ARHGEF26: variants seen among roughly 807,000 people sequenced by gnomAD.
The protein encoded by ARHGEF26 is Rho guanine nucleotide exchange factor 26.
In ARHGEF26, 59 loss-of-function variants were observed where a neutral mutation model predicts 89.4. The observed-to-expected ratio is 0.66, with a 90% CI of 0.54 to 0.82. The LOEUF (loss-of-function observed/expected upper bound fraction) is 0.82, where lower values mean the gene tolerates loss of function less well. ARHGEF26 is among the 40% of genes least tolerant of loss of function. The pLI is 0.00. For synonymous variants in ARHGEF26, 500 were observed against 428.4 expected (o/e 1.17, Z -2.06); for missense variants, 1,234 against 1,085.6 (o/e 1.14, Z -1.92).
Position 154,255,877 on chromosome 3 carries a change from A to T in ARHGEF26, c.*404A>T. On this transcript the variant is annotated 3_prime_UTR_variant, in exon 15 of 15. Transcript: ENST00000465093. ...TTGTATGGTTCTCCCAGTATTAGCA[A>T]GATTGTATATCTGTAAAGAATGTCC... 1 of 996,424 alleles carries T rather than the reference A, an allele frequency of 1.0e-6. No individual in the cohort carries two copies. The highest frequency in any genetic ancestry group is 1.2e-6 in the Non-Finnish European group (1 of 837,340). The allele number at this position is 996,424 out of a possible 1,614,324, so 61.7% of individuals were successfully genotyped here. A position where few individuals can be genotyped will look rare whatever the true frequency, so the allele number is the denominator to read the frequency against.
intron 9 of ARHGEF26, among the ~76,000 whole-genome samples, chr3:154,209,626 G>A (rs756283572): frequency 1.1e-4 from 16 of 152,214 alleles, no homozygotes; most frequent in Non-Finnish European, 2.1e-4. Flanking sequence ...TTTGTTCTGA[G>A]TCACCTAAAG....
chr3:154,209,985 C>A (rs938488517), intron 9 of ARHGEF26, among the ~76,000 whole-genome samples: 1 of 152,230 alleles, frequency 6.6e-6, no homozygotes, highest in South Asian at 2.1e-4. Context: ...CCCACTCTAA[C>A]CTTCCCTTTC....
chr3:154,122,825 T>C lies in ARHGEF26; in HGVS notation c.833T>C (p.Val278Ala). 6.2e-7 allele frequency: 1 copy of C among 1,612,550 alleles called. No individual in the cohort carries two copies. The highest frequency in any genetic ancestry group is 8.5e-7 in the Non-Finnish European group (1 of 1,179,328). The change falls in exon 2 of 15, where the codon GTG (valine) becomes GCG (alanine). Residue 278 changes from valine (V) to alanine (A), a missense_variant. Transcript: ENST00000465093. ...NVEPHKRLLK[V>A]RSMVEGLGGP... ...GAGCCCCACAAGAGACTCCTCAAGGTGCGCAGCATGGTGGAGGGCCTAGGA... is the reference window on the plus strand; with the variant it reads ...GAGCCCCACAAGAGACTCCTCAAGGCGCGCAGCATGGTGGAGGGCCTAGGA...
chr3:154,142,187 T>C (rs1719424543), intron 4 of ARHGEF26, among the ~76,000 whole-genome samples: 1 of 152,070 alleles, frequency 6.6e-6, no homozygotes, highest in Admixed American at 6.6e-5. Flanking sequence ...ATAAAAGTAA[T>C]GAAGGTGTAA....
chr3:154,205,900 T>C (rs1242830740), intron 9 of ARHGEF26, among the ~76,000 whole-genome samples: 1 of 152,138 alleles, frequency 6.6e-6, no homozygotes, highest in Non-Finnish European at 1.5e-5. Flanking sequence ...ACTCTTCTAC[T>C]TAGGGTAGGG....
intron 4 of ARHGEF26, among the ~76,000 whole-genome samples, chr3:154,143,485 C>G (rs999552587): frequency 1.3e-5 from 2 of 152,102 alleles, no homozygotes; most frequent in Non-Finnish European, 2.9e-5. Context: ...ATGTTTAGCT[C>G]TTTTAACCAA....
At chr3:154,217,132 C>G (rs1184216293) in intron 9 of ARHGEF26, among the ~76,000 whole-genome samples, 1 of 151,774 alleles carries the variant, frequency 6.6e-6, no homozygotes, top group Non-Finnish European at 1.5e-5. Context: ...AATGGTTGAA[C>G]TAGTTTACAG....
At chr3:154,185,040 A>G (rs1713434270) in intron 6 of ARHGEF26, among the ~76,000 whole-genome samples, 1 of 152,120 alleles carries the variant, frequency 6.6e-6, no homozygotes, top group Admixed American at 6.5e-5. Context: ...CTTCGCACTG[A>G]TAATCCAGCT....
At chr3:154,203,304 T>C (rs1576773426) in intron 9 of ARHGEF26, among the ~76,000 whole-genome samples, 1 of 152,318 alleles carries the variant, frequency 6.6e-6, no homozygotes, top group East Asian at 1.9e-4. Context: ...TTACATTTAT[T>C]GATTTGCATA....
chr3:154,205,327 G>GT (rs946479168), intron 9 of ARHGEF26, among the ~76,000 whole-genome samples: 25 of 150,440 alleles, frequency 1.7e-4, no homozygotes, highest in Admixed American at 3.3e-4. Flanking sequence ...AGCAACTCCT[G>GT]TTTTTTTTTG....
intron 6 of ARHGEF26, among the ~76,000 whole-genome samples, chr3:154,160,296 A>G (rs1173440111): frequency 6.6e-6 from 1 of 152,170 alleles, no homozygotes; most frequent in Non-Finnish European, 1.5e-5. Flanking sequence ...AGAAATAGGT[A>G]GTTGTTTAGG....
At chr3:154,239,916 C>T (rs1358853695) in intron 11 of ARHGEF26, among the ~76,000 whole-genome samples, 1 of 151,826 alleles carries the variant, frequency 6.6e-6, no homozygotes, top group Non-Finnish European at 1.5e-5. Context: ...GCAAGCAGAC[C>T]TCTGGGGCTC....
At chr3:154,230,991 CT>C (rs1193055848) in intron 11 of ARHGEF26, among the ~76,000 whole-genome samples, 2 of 152,080 alleles carry the variant, frequency 1.3e-5, no homozygotes, top group Non-Finnish European at 2.9e-5. Flanking sequence ...TGAGAATGCT[CT>C]TTCCTATTAT....
chr3:154,207,484 C>G (rs1366807930), intron 9 of ARHGEF26, among the ~76,000 whole-genome samples: 2 of 151,870 alleles, frequency 1.3e-5, no homozygotes, highest in South Asian at 4.2e-4. Context: ...ATGCAGCCAA[C>G]AAACATATAA....
At chr3:154,143,870 C>T (rs780521643) in intron 4 of ARHGEF26, among the ~76,000 whole-genome samples, 2 of 152,156 alleles carry the variant, frequency 1.3e-5, no homozygotes, top group African/African-American at 2.4e-5. Flanking sequence ...ATTTTCTCTT[C>T]TTAATTTAGC....
At chr3:154,150,403 C>A (rs1719952474) in intron 5 of ARHGEF26, among the ~76,000 whole-genome samples, 1 of 152,090 alleles carries the variant, frequency 6.6e-6, no homozygotes, top group African/African-American at 2.4e-5. Flanking sequence ...GGTACATATA[C>A]TTCCAGCCTG....
At chr3:154,151,487 C>A (rs1720014830) in intron 5 of ARHGEF26, among the ~76,000 whole-genome samples, 1 of 152,048 alleles carries the variant, frequency 6.6e-6, no homozygotes, top group African/African-American at 2.4e-5. Flanking sequence ...TATTTATGGT[C>A]CAGAAGGGAA....
At chr3:154,144,457 A>T (rs1006190414) in intron 4 of ARHGEF26, among the ~76,000 whole-genome samples, 1 of 152,206 alleles carries the variant, frequency 6.6e-6, no homozygotes, top group African/African-American at 2.4e-5. Flanking sequence ...ACCAACCAGA[A>T]CTCTGAATCA....
intron 11 of ARHGEF26, among the ~76,000 whole-genome samples, chr3:154,226,220 C>A (rs1002313992): frequency 6.6e-6 from 1 of 152,158 alleles, no homozygotes; most frequent in Non-Finnish European, 1.5e-5. Flanking sequence ...TTCTTGCCAA[C>A]CTCTATTGAG....
Sources: gnomAD v4.1 joint callset for allele counts (sites outside exome capture counted in the v4.1 genomes callset) on GRCh38, gnomAD v4.1.1 for gene constraint, MANE v1.5 for transcripts, NCBI Gene and HGNC (gene_info 2026-07-23, HGNC 2026-07-21) for gene names.